Variants in FLT1 observed in about 807,000 individuals in gnomAD.
The protein encoded by FLT1 is fms related receptor tyrosine kinase 1.
FLT1 carries 49 observed loss-of-function variants against 156.3 expected under a neutral mutation model. That is an observed-to-expected ratio of 0.31 (90% CI 0.25 to 0.40). The LOEUF (loss-of-function observed/expected upper bound fraction) is 0.40. FLT1 is among the 10% of genes least tolerant of loss of function. The pLI, the probability that FLT1 is intolerant of heterozygous loss-of-function variation, is 1.00. For synonymous variants in FLT1, 594 were observed against 583.8 expected, an observed-to-expected ratio of 1.02 and a Z score of -0.25; for missense variants, 1,322 against 1,637.2, an observed-to-expected ratio of 0.81 and a Z score of 3.32.
intron 11 of FLT1, among the ~76,000 whole-genome samples, chr13:28,400,312 G>A (rs923906798): frequency 6.6e-6 from 1 of 152,088 alleles, no homozygotes. Context: ...TTCAACTGTT[G>A]TTATGTGGTT....
chr13:28,328,646 G>C (rs1423736861), intron 19 of FLT1, among the ~76,000 whole-genome samples: 1 of 152,222 alleles, frequency 6.6e-6, no homozygotes, highest in East Asian at 1.9e-4. Flanking sequence ...GTTGCTTCCA[G>C]AGTTTTTTAT....
At chr13:28,455,773 A>G (rs1021012748) in intron 3 of FLT1, among the ~76,000 whole-genome samples, 2 of 152,220 alleles carry the variant, frequency 1.3e-5, no homozygotes, top group Admixed American at 1.3e-4. Flanking sequence ...CATACAAAGA[A>G]TTCTTAAAAC....
rs1464914217 is a variant in FLT1, at chr13:28,473,784, AAG to A, written c.65-6169_65-6168del. ...AAGGAAGGAAGGAAGGAAGGAAAGA[AAG>A]AAAGAAAGAAAGAAAGAAAGAAAGA... is the stretch of plus-strand genomic sequence containing the variant. On this transcript the variant is annotated intron_variant, in intron 1 of 29. Coordinates refer to ENST00000282397, the MANE Select transcript of FLT1 (RefSeq NM_002019.4). 9.2e-4 allele frequency among the ~76,000 whole-genome samples: 86 copies of A among 93,808 alleles called. 1 individual carries two copies. The highest frequency in any genetic ancestry group is 3.1e-3 in the African/African-American group (76 of 24,472). 61.5% of individuals were successfully genotyped at this position (93,808 alleles called of 152,430 possible).
At chr13:28,486,043 G>C (rs577397426) in intron 1 of FLT1, among the ~76,000 whole-genome samples, 1 of 152,324 alleles carries the variant, frequency 6.6e-6, no homozygotes, top group Non-Finnish European at 1.5e-5. Flanking sequence ...AGAAATAGAT[G>C]GCAGATCCAA....
At chr13:28,435,457 A>G (rs944421418) in intron 4 of FLT1, among the ~76,000 whole-genome samples, 2 of 152,178 alleles carry the variant, frequency 1.3e-5, no homozygotes, top group African/African-American at 4.8e-5. Context: ...CAGTGGTGGT[A>G]GACTCCCAAC....
chr13:28,389,089 T>C (rs1329401440), intron 13 of FLT1: 1 of 1,063,950 alleles, frequency 9.4e-7, no homozygotes, highest in East Asian at 5.0e-5. Context: ...TACACCAACA[T>C]CTTGCACCCC....
chr13:28,313,824 T>A (rs930156364), intron 25 of FLT1, among the ~76,000 whole-genome samples: 1 of 150,782 alleles, frequency 6.6e-6, no homozygotes, highest in African/African-American at 2.5e-5. Context: ...ATCTCTTAAG[T>A]ATATTTCTAT....
In FLT1 at chr13:28,322,590, G is replaced by T. The variant is rs917433185; in HGVS notation, c.2953+200C>A. On this transcript the variant is annotated intron_variant, in intron 21 of 29. Transcript: ENST00000282397. This position sits in a 1 kb window ranked among gnomAD's most constrained non-coding sequence, Gnocchi z 4.3. ...GATCCATTAAGATGAAAATCCCTGA[G>T]GGGAGAAAACGGTACAGTTCCCTGT... 7 of 729,762 alleles carry T rather than the reference G, an allele frequency of 9.6e-6. No individual in the cohort carries two copies. The East Asian group carries it at 1.3e-4, about 14-fold the overall frequency. 45.2% of individuals were successfully genotyped at this position (729,762 alleles called of 1,614,324 possible). A position where few individuals can be genotyped will look rare whatever the true frequency, so the allele number is the denominator to read the frequency against.
rs541773628 is a variant in FLT1, at chr13:28,350,168, C to G, written c.2249-4617G>C. ...CCAGGGAAATGTGGGTGGGATTTGA[C>G]AGTAACTAGGAGTTAGCACTGGGTC... On this transcript the variant is annotated intron_variant, in intron 15 of 29. Coordinates refer to ENST00000282397, the MANE Select transcript of FLT1 (RefSeq NM_002019.4). Among the ~76,000 whole-genome samples the G allele has an allele frequency of 9.9e-5, 15 of 152,280 alleles. No homozygotes were observed. In the South Asian group the frequency reaches 2.7e-3, roughly 27 times the overall value.
At chr13:28,320,704 AAG>A (rs1368732620) in intron 23 of FLT1, among the ~76,000 whole-genome samples, 3 of 152,088 alleles carry the variant, frequency 2.0e-5, no homozygotes, top group Admixed American at 2.0e-4. Context: ...GGCTCCACCC[AAG>A]AGTTACTGAC....
chr13:28,456,488 GA>G (rs1331443827), intron 3 of FLT1, among the ~76,000 whole-genome samples: 1 of 152,044 alleles, frequency 6.6e-6, no homozygotes, highest in East Asian at 1.9e-4. Context: ...CAAAACTATG[GA>G]AACAGTAAGA....
At chr13:28,366,819 C>T (rs1438969640) in intron 14 of FLT1, among the ~76,000 whole-genome samples, 1 of 152,176 alleles carries the variant, frequency 6.6e-6, no homozygotes, top group Non-Finnish European at 1.5e-5. Flanking sequence ...ACTCCTGCAT[C>T]ACCCTGTGAA....
intron 3 of FLT1, among the ~76,000 whole-genome samples, chr13:28,450,937 T>C (rs1593806283): frequency 6.6e-6 from 1 of 152,088 alleles, no homozygotes; most frequent in Admixed American, 6.5e-5. Context: ...TCTTCAAATA[T>C]CCACACTCAG....
chr13:28,322,754 T>G lies in FLT1; in HGVS notation c.2953+36A>C. 6.2e-7 allele frequency: 1 copy of G among 1,603,736 alleles called. No individual in the cohort carries two copies. On this transcript the variant is annotated intron_variant, in intron 21 of 29. Coordinates refer to ENST00000282397, the MANE Select transcript of FLT1 (RefSeq NM_002019.4). This position sits in a 1 kb window ranked among gnomAD's most constrained non-coding sequence, Gnocchi z 4.3. The stretch of plus-strand genomic sequence containing the variant: ...AGATGCATAGTATGTTGTAAAAATA[T>G]CTCAGCGCGTAGGACAGGAAGGAAT...
At chr13:28,387,187 A>G (rs2137453753) in intron 13 of FLT1, 1 of 1,036,380 alleles carries the variant, frequency 9.6e-7, no homozygotes, top group Non-Finnish European at 1.2e-6. Flanking sequence ...CGTACATGGG[A>G]CTCTCAATTA....
chr13:28,491,078 G>T (rs943057680), intron 1 of FLT1, among the ~76,000 whole-genome samples: 35 of 152,168 alleles, frequency 2.3e-4, no homozygotes, highest in African/African-American at 7.7e-4. Context: ...TCAAATATCA[G>T]CCATAACTCT....
chr13:28,388,388 A>T, intron 13 of FLT1: 4 of 1,056,582 alleles, frequency 3.8e-6, no homozygotes, highest in Non-Finnish European at 4.6e-6. Context: ...AAGTTGTCAT[A>T]TTGTCACCTC....
At position 28,322,689 on chromosome 13, in the gene FLT1, C is replaced by G. The variant is rs189541572; in HGVS notation, c.2953+101G>C. On this transcript the variant is annotated intron_variant, in intron 21 of 29. Coordinates refer to ENST00000282397, the MANE Select transcript of FLT1 (RefSeq NM_002019.4). This position sits in a 1 kb window ranked among gnomAD's most constrained non-coding sequence, Gnocchi z 4.3. The stretch of plus-strand genomic sequence containing the variant: ...AGGACATTACCATTCGAGTCTCCCA[C>G]GGATGTTTATTAGAGTGATAAATAA... The G allele has an allele frequency of 2.9e-6, 3 of 1,036,562 alleles. No homozygotes were observed. The highest frequency in any genetic ancestry group is 3.0e-6 in the Non-Finnish European group (2 of 662,968). The allele number at this position is 1,036,562 out of a possible 1,614,324, so 64.2% of individuals were successfully genotyped here.
chr13:28,473,557 A>C (rs1880294466), intron 1 of FLT1, among the ~76,000 whole-genome samples: 1 of 151,552 alleles, frequency 6.6e-6, no homozygotes, highest in African/African-American at 2.4e-5. Context: ...AGGCAGGAGA[A>C]TGGCTTAAAC....
Sources: allele counts gnomAD v4.1 joint callset (sites outside exome capture counted in the v4.1 genomes callset), GRCh38; gene constraint gnomAD v4.1.1; non-coding constraint Gnocchi (gnomAD v3.1); transcripts MANE v1.5; gene names NCBI Gene and HGNC (gene_info 2026-07-23, HGNC 2026-07-21).